Variants in EBF2 observed in about 807,000 individuals in gnomAD.
The protein encoded by EBF2 is transcription factor COE2.
Under a neutral mutation model 72.8 loss-of-function variants are expected in EBF2, and 21 were observed. The ratio of observed to expected loss-of-function variants is 0.29; its 90% CI spans 0.20 to 0.42. The LOEUF is 0.42. Among genes scored for constraint, EBF2 ranks in the 10% least tolerant of loss-of-function variants. The pLI is 1.00. For missense variants in EBF2, 637 were observed against 731.2 expected (o/e 0.87, Z 1.49); for synonymous variants, 299 against 274.2 (o/e 1.09, Z -0.89).
At chr8:25,848,345 C>T (rs1801883216) in intron 15 of EBF2, among the ~76,000 whole-genome samples, 1 of 152,178 alleles carries the variant, frequency 6.6e-6, no homozygotes. Context: ...TCAGCCCGAG[C>T]ATCCTGAGGG....
At chr8:25,938,020 T>C (rs1803607854) in intron 6 of EBF2, among the ~76,000 whole-genome samples, 1 of 152,168 alleles carries the variant, frequency 6.6e-6, no homozygotes, top group Non-Finnish European at 1.5e-5. Flanking sequence ...CTTTTATGTC[T>C]TATAGTACAG....
chr8:25,935,180 G>A (rs1418908213), intron 6 of EBF2, among the ~76,000 whole-genome samples: 1 of 152,084 alleles, frequency 6.6e-6, no homozygotes, highest in African/African-American at 2.4e-5. Context: ...AAAACAAAGC[G>A]ATGGAGGGGG....
At position 26,039,963 on chromosome 8, in the gene EBF2, G is replaced by A. The variant is rs544516518; in HGVS notation, c.482+65C>T. ...TGAAAGTTAGTCCCGGGAACGCGGC[G>A]CGCCAAGGCGGGGCTGGAGCACCTG... On this transcript the variant is annotated intron_variant, in intron 5 of 15. Transcript: ENST00000520164. 4.5e-6 allele frequency: 7 copies of A among 1,566,558 alleles called. No individual in the cohort carries two copies. In the South Asian group the frequency reaches 7.8e-5, roughly 17 times the overall value.
chr8:25,890,151 G>T (rs1020525048), intron 7 of EBF2, among the ~76,000 whole-genome samples: 1 of 152,154 alleles, frequency 6.6e-6, no homozygotes, highest in Non-Finnish European at 1.5e-5. Context: ...CCAGAAACCT[G>T]GTTCTCTATC....
intron 14 of EBF2, among the ~76,000 whole-genome samples, chr8:25,851,712 G>A (rs1336690527): frequency 6.6e-6 from 1 of 152,156 alleles, no homozygotes; most frequent in East Asian, 1.9e-4. Flanking sequence ...CTTGACAAAA[G>A]TGTTGTTGGA....
At chr8:25,853,193 G>A (rs1563375320) in intron 14 of EBF2, among the ~76,000 whole-genome samples, 2 of 152,112 alleles carry the variant, frequency 1.3e-5, no homozygotes, top group Admixed American at 1.3e-4. Context: ...GAGCTGTTAG[G>A]ATGGTTAGAG....
At position 25,848,416 on chromosome 8, in the gene EBF2, G is replaced by GTTCC. The variant is rs537718051; in HGVS notation, c.1696+2177_1696+2178insGGAA. ...GAGAGGGTCTTCTGTTTCTGCTGCA[G>GTTCC]CTGCCCTCACAGGGAACCTTACTAA... On this transcript the variant is annotated intron_variant, in intron 15 of 15. Coordinates refer to ENST00000520164, the MANE Select transcript of EBF2 (RefSeq NM_022659.4). Among the ~76,000 whole-genome samples the GTTCC allele has an allele frequency of 7.6e-4, 115 of 152,298 alleles. No individual in the cohort carries two copies. In the East Asian group the frequency reaches 0.02, roughly 27 times the overall value.
At chr8:25,926,976 G>C (rs1363779939) in intron 6 of EBF2, among the ~76,000 whole-genome samples, 1 of 152,190 alleles carries the variant, frequency 6.6e-6, no homozygotes, top group East Asian at 1.9e-4. Flanking sequence ...TTTCAGGATT[G>C]TGATGGTTAG....
At chr8:25,870,385 T>G (rs1210218430) in intron 10 of EBF2, among the ~76,000 whole-genome samples, 1 of 151,592 alleles carries the variant, frequency 6.6e-6, no homozygotes. Flanking sequence ...AGGCAGAAAA[T>G]ATAACCCCTC....
intron 6 of EBF2, among the ~76,000 whole-genome samples, chr8:25,916,063 A>G (rs1435554505): frequency 6.6e-6 from 1 of 152,096 alleles, no homozygotes; most frequent in African/African-American, 2.4e-5. Flanking sequence ...AGGCAGTCTG[A>G]TCACTTGAGA....
At chr8:25,881,973 G>A (rs921653941) in intron 10 of EBF2, among the ~76,000 whole-genome samples, 3 of 152,110 alleles carry the variant, frequency 2.0e-5, no homozygotes, top group Non-Finnish European at 4.4e-5. Flanking sequence ...ACCTCCTCTC[G>A]ATAAAACCTT....
chr8:25,868,670 T>G (rs1749499217), intron 10 of EBF2, among the ~76,000 whole-genome samples: 1 of 152,114 alleles, frequency 6.6e-6, no homozygotes, highest in Admixed American at 6.6e-5. Context: ...GAGATGGGTT[T>G]TCACCATCTT....
At chr8:25,921,586 T>C (rs1803306437) in intron 6 of EBF2, among the ~76,000 whole-genome samples, 1 of 152,228 alleles carries the variant, frequency 6.6e-6, no homozygotes, top group African/African-American at 2.4e-5. Flanking sequence ...TCTATGGGAA[T>C]TATCAACTTT....
intron 10 of EBF2, among the ~76,000 whole-genome samples, chr8:25,885,518 C>T (rs1334307538): frequency 6.6e-6 from 1 of 152,174 alleles, no homozygotes; most frequent in Non-Finnish European, 1.5e-5. Context: ...CCCTCCCATG[C>T]TGATATGGTT....
intron 7 of EBF2, among the ~76,000 whole-genome samples, chr8:25,902,619 T>C (rs1802974652): frequency 6.6e-6 from 1 of 152,068 alleles, no homozygotes; most frequent in Non-Finnish European, 1.5e-5. Flanking sequence ...AAATAAAACA[T>C]ATCGATTGCC....
chr8:25,929,282 G>A (rs1168709810), intron 6 of EBF2, among the ~76,000 whole-genome samples: 1 of 152,216 alleles, frequency 6.6e-6, no homozygotes, highest in South Asian at 2.1e-4. Flanking sequence ...GAGACGGGAT[G>A]TGAACAGGGC....
At chr8:26,037,072 T>C (rs934776648) in intron 5 of EBF2, among the ~76,000 whole-genome samples, 3 of 152,218 alleles carry the variant, frequency 2.0e-5, no homozygotes, top group African/African-American at 7.2e-5. Flanking sequence ...GTTTATTTTA[T>C]TCTAGTACTT....
chr8:26,027,802 C>A (rs535460094), intron 6 of EBF2, among the ~76,000 whole-genome samples: 2 of 152,206 alleles, frequency 1.3e-5, no homozygotes, highest in Admixed American at 1.3e-4. Flanking sequence ...GATATTCTGA[C>A]ACATGCTACA....
chr8:26,009,677 C>G (rs993438066), intron 6 of EBF2, among the ~76,000 whole-genome samples: 1 of 152,124 alleles, frequency 6.6e-6, no homozygotes, highest in Non-Finnish European at 1.5e-5. Context: ...TACATTATAG[C>G]GATCGCATGC....
Sources: gnomAD v4.1 joint callset for allele counts (sites outside exome capture counted in the v4.1 genomes callset) on GRCh38, gnomAD v4.1.1 for gene constraint, MANE v1.5 for transcripts, NCBI Gene and HGNC (gene_info 2026-07-23, HGNC 2026-07-21) for gene names.